C10orf90: variants seen among roughly 807,000 people sequenced by gnomAD.
C10orf90 encodes (E2-independent) E3 ubiquitin-conjugating enzyme FATS.
C10orf90 carries 56 observed loss-of-function variants against 62.5 expected under a neutral mutation model. That is an observed-to-expected ratio of 0.90 (90% CI 0.72 to 1.12). The LOEUF (loss-of-function observed/expected upper bound fraction) is 1.12, where lower values mean the gene tolerates loss of function less well. Ranked by LOEUF, C10orf90 falls within the 50% of genes most tolerant of loss-of-function variation. The pLI is 0.00. For missense variants in C10orf90, 970 were observed against 880.4 expected (o/e 1.10, Z -1.29); for synonymous variants, 386 against 340.4 (o/e 1.13, Z -1.47).
chr10:126,631,790 A>G (rs1053565661), intron 2 of C10orf90, among the ~76,000 whole-genome samples: 22 of 151,866 alleles, frequency 1.4e-4, no homozygotes, highest in African/African-American at 5.3e-4. Flanking sequence ...ACCAAGACCC[A>G]GCAAGCAGAG....
At chr10:126,614,852 T>TTTTC (rs1845508371) in intron 2 of C10orf90, among the ~76,000 whole-genome samples, 1 of 152,232 alleles carries the variant, frequency 6.6e-6, no homozygotes, top group African/African-American at 2.4e-5. Flanking sequence ...AGAAATACTC[T>TTTTC]TTTCTCTATG....
At position 126,429,829 on chromosome 10, in the gene C10orf90, T is replaced by G; in HGVS notation, c.2210A>C (p.Glu737Ala). The change falls in exon 8 of 10, where the codon GAA becomes GCA. Residue 737 changes from glutamate to alanine, a missense_variant. Coordinates refer to ENST00000488181, the MANE Select transcript of C10orf90 (RefSeq NM_001350921.2). ...PLSDNLFKPK[E>A]RCISEKEMHM... ...CATCTCCTTCTCTGAAATGCACCGT[T>G]CTTTGGGTTTGAACAAGTTATCTGG... The G allele has an allele frequency of 6.2e-7, 1 of 1,614,076 alleles. No individual in the cohort carries two copies.
At chr10:126,611,998 T>G (rs1351015674) in intron 2 of C10orf90, among the ~76,000 whole-genome samples, 4 of 152,214 alleles carry the variant, frequency 2.6e-5, no homozygotes, top group African/African-American at 9.7e-5. Flanking sequence ...CAACATTCAG[T>G]GGTTCAATCA....
rs117878553 is a variant in C10orf90, at chr10:126,519,135, C to T, written c.314-5196G>A. Among the ~76,000 whole-genome samples, 151 of 152,162 alleles carry T rather than the reference C, an allele frequency of 9.9e-4. 5 individuals are homozygous for T. In the East Asian group the frequency reaches 0.024, roughly 24 times the overall value. On this transcript the variant is annotated intron_variant, in intron 2 of 9. Coordinates refer to ENST00000488181, the MANE Select transcript of C10orf90 (RefSeq NM_001350921.2). ...GGGAGGGAGGAGACACTTGACATGG[C>T]CTTGTCAGATGGGGTTGGGTTTAGA...
At chr10:126,446,458 G>T (rs1858786566) in intron 7 of C10orf90, among the ~76,000 whole-genome samples, 1 of 152,056 alleles carries the variant, frequency 6.6e-6, no homozygotes, top group Non-Finnish European at 1.5e-5. Flanking sequence ...AAGTTTTCAG[G>T]CCTGAAAAGA....
chr10:126,526,520 A>G (rs562383211), intron 2 of C10orf90, among the ~76,000 whole-genome samples: 6 of 152,304 alleles, frequency 3.9e-5, no homozygotes, highest in African/African-American at 1.4e-4. Flanking sequence ...CTGGGATTAC[A>G]GGTGTGAGCC....
rs538486764 is a variant in C10orf90 at position 126,606,400 on chromosome 10, G to C, written c.313+40165C>G. Among the ~76,000 whole-genome samples, 29 of 152,272 alleles carry C rather than the reference G, an allele frequency of 1.9e-4. 1 individual carries two copies. Among genetic ancestry groups the C allele is most frequent in the African/African-American group, 7.0e-4 (29 of 41,548 alleles). On this transcript the variant is annotated intron_variant, in intron 2 of 9. Transcript: ENST00000488181. Reference sequence around the variant, plus strand: ...TCTGGTTCTTACGAGGGGCTGTTGGGCTACTGCACATTGGCTATGATCCAT... The same window carrying C: ...TCTGGTTCTTACGAGGGGCTGTTGGCCTACTGCACATTGGCTATGATCCAT...
Position 126,658,892 on chromosome 10 carries a change from C to T in C10orf90, c.240+11349G>A, listed in dbSNP as rs796775956. ...ACAAGCGTGAGCCATTGCTCCTAGC[C>T]CTTTCCCTAGTTTTAAAACAAGGGA... On this transcript the variant is annotated intron_variant, in intron 1 of 9. Transcript: ENST00000488181. Among the ~76,000 whole-genome samples the T allele has an allele frequency of 1.8e-4, 27 of 152,276 alleles. 1 individual carries two copies. Among genetic ancestry groups the T allele is most frequent in the African/African-American group, 6.5e-4 (27 of 41,560 alleles).
chr10:126,432,429 C>T (rs767620050), intron 7 of C10orf90, among the ~76,000 whole-genome samples: 7 of 152,274 alleles, frequency 4.6e-5, no homozygotes, highest in South Asian at 2.1e-4. Context: ...CAGATAAGAC[C>T]GTCCCTTCAT....
intron 2 of C10orf90, among the ~76,000 whole-genome samples, chr10:126,623,624 T>C (rs2133819127): frequency 6.6e-6 from 1 of 152,004 alleles, no homozygotes; most frequent in Non-Finnish European, 1.5e-5. Flanking sequence ...GGTGGATCAT[T>C]TGAGGTTAGG....
intron 4 of C10orf90, among the ~76,000 whole-genome samples, chr10:126,500,872 G>A (rs1862339447): frequency 6.6e-6 from 1 of 152,116 alleles, no homozygotes; most frequent in African/African-American, 2.4e-5. Flanking sequence ...TCTGTCCAAC[G>A]ACCTAATGAC....
chr10:126,642,306 G>A (rs892795526), intron 2 of C10orf90, among the ~76,000 whole-genome samples: 4 of 152,176 alleles, frequency 2.6e-5, no homozygotes, highest in Non-Finnish European at 5.9e-5. Context: ...GCCAAGGTGG[G>A]CAGATCACGA....
Position 126,606,114 on chromosome 10 carries a change from T to G in C10orf90, c.313+40451A>C, listed in dbSNP as rs141326339. On this transcript the variant is annotated intron_variant, in intron 2 of 9. Transcript: ENST00000488181. ...CTACAGCATGAGAAGGCTGTCCCACTGCACCCTGGGAACCCAGGCATTCTC... is the reference window on the plus strand; with the variant it reads ...CTACAGCATGAGAAGGCTGTCCCACGGCACCCTGGGAACCCAGGCATTCTC... Among the ~76,000 whole-genome samples, 464 of 152,310 alleles carry G rather than the reference T, an allele frequency of 3.0e-3. 4 individuals carry two copies. The highest frequency in any genetic ancestry group is 0.011 in the African/African-American group (438 of 41,574).
chr10:126,444,518 T>G (rs1858615249), intron 7 of C10orf90, among the ~76,000 whole-genome samples: 2 of 152,110 alleles, frequency 1.3e-5, no homozygotes, highest in South Asian at 4.2e-4. Flanking sequence ...AAAGAAATCA[T>G]AGATGACACA....
Position 126,459,105 on chromosome 10 carries a change from T to C in C10orf90, c.2123A>G (p.Gln708Arg), listed in dbSNP as rs948843432. The C allele has an allele frequency of 1.2e-6, 2 of 1,614,188 alleles. No homozygotes were observed. The highest frequency in any genetic ancestry group is 2.7e-5 in the African/African-American group (2 of 75,068). ...RKAQRKEDLRQKQSLLPIRTS... is the reference protein window; with the variant it reads ...RKAQRKEDLRRKQSLLPIRTS... ...GCGGATGGGAAGGAGGCTCTGCTTC[T>C]GCCTCAGGTCCTCCTTCCGCTGGGC... The change falls in exon 7 of 10, where the codon CAG becomes CGG. Residue 708 changes from glutamine to arginine, a missense_variant. Gln to Arg is a conservative substitution (Grantham distance 43, BLOSUM62 1). Coordinates refer to ENST00000488181, the MANE Select transcript of C10orf90 (RefSeq NM_001350921.2).
intron 4 of C10orf90, among the ~76,000 whole-genome samples, chr10:126,475,163 G>A (rs1860792367): frequency 6.6e-6 from 1 of 152,162 alleles, no homozygotes; most frequent in Non-Finnish European, 1.5e-5. Context: ...TTGAGCTAAT[G>A]AGCCTGGTCA....
chr10:126,550,190 A>G (rs1359450645), intron 2 of C10orf90, among the ~76,000 whole-genome samples: 1 of 152,030 alleles, frequency 6.6e-6, no homozygotes, highest in Non-Finnish European at 1.5e-5. Context: ...TCCTGACCTC[A>G]GGTGATCTGC....
At chr10:126,481,504 A>G (rs1221319706) in intron 4 of C10orf90, among the ~76,000 whole-genome samples, 2 of 152,230 alleles carry the variant, frequency 1.3e-5, no homozygotes, top group African/African-American at 4.8e-5. Flanking sequence ...GCCAAAAGAA[A>G]AATTGGTTTG....
At chr10:126,665,257 G>A (rs1846603291) in intron 1 of C10orf90, among the ~76,000 whole-genome samples, 1 of 152,182 alleles carries the variant, frequency 6.6e-6, no homozygotes, top group African/African-American at 2.4e-5. Context: ...GGGACTTCAG[G>A]GGGAAAGGTG....
Sources: allele counts gnomAD v4.1 joint callset (sites outside exome capture counted in the v4.1 genomes callset), GRCh38; gene constraint gnomAD v4.1.1; transcripts MANE v1.5; gene names NCBI Gene and HGNC (gene_info 2026-07-23, HGNC 2026-07-21).